Variants in TM4SF1 observed in about 807,000 individuals in gnomAD.
TM4SF1 encodes transmembrane 4 L six family member 1.
Under a neutral mutation model 24.5 loss-of-function variants are expected in TM4SF1, and 20 were observed. The observed-to-expected ratio is 0.82, with a 90% CI of 0.57 to 1.19. TM4SF1 has a LOEUF of 1.19. Among genes scored for constraint, TM4SF1 ranks in the 50% most tolerant of loss-of-function variants. The probability of loss-of-function intolerance (pLI) is 0.00; values close to 1 mark genes in which losing one functional copy is unlikely to be tolerated. For missense variants in TM4SF1, 258 were observed against 248.1 expected, an observed-to-expected ratio of 1.04 and a Z score of -0.27; for synonymous variants, 107 against 95.4, an observed-to-expected ratio of 1.12 and a Z score of -0.71.
chr3:149,376,101 T>C (rs1420882438), intron 1 of TM4SF1, among the ~76,000 whole-genome samples: 1 of 152,226 alleles, frequency 6.6e-6, no homozygotes, highest in African/African-American at 2.4e-5. Context: ...TTAAACCCTT[T>C]CTTTAAATCT....
chr3:149,369,855 G>A lies in TM4SF1; in HGVS notation c.*11C>T. The A allele has an allele frequency of 6.2e-7, 1 of 1,607,648 alleles. No individual in the cohort carries two copies. Among genetic ancestry groups the A allele is most frequent in the East Asian group, 2.2e-5 (1 of 44,772 alleles). ...AGAGGAAGATTGTGGCTCTGTCCTG[G>A]GTTGGTTCTTTTAGCAGTCATATTG... On this transcript the variant is annotated 3_prime_UTR_variant, in exon 5 of 5. Transcript: ENST00000305366.
Position 149,377,395 on chromosome 3 carries a change from A to G in TM4SF1, c.153T>C (p.Ser51=), listed in dbSNP as rs765692475. 3 of 1,614,110 alleles carry G rather than the reference A, an allele frequency of 1.9e-6. No homozygotes were observed. Among genetic ancestry groups the G allele is most frequent in the Non-Finnish European group, 2.5e-6 (3 of 1,179,990 alleles). Residue 51 remains serine, a synonymous_variant, in exon 1 of 5, where the codon TCT becomes TCC. Coordinates refer to ENST00000305366, the MANE Select transcript of TM4SF1 (RefSeq NM_014220.3). Reference sequence around the variant, plus strand: ...CCAGCAGGCCACCTCCTACGATGCCAGAAAAGAACCACACGAAGCGGCTGA... The same window carrying G: ...CCAGCAGGCCACCTCCTACGATGCCGGAAAAGAACCACACGAAGCGGCTGA... ...NHLSRFVWFF[S]GIVGGGLLML...
At chr3:149,370,642 C>A (rs1303637209) in intron 4 of TM4SF1, 2 of 152,168 alleles carry the variant, frequency 1.3e-5, no homozygotes, top group Non-Finnish European at 2.9e-5. Flanking sequence ...GTTTCCCATT[C>A]CCTTATTTTC....
intron 3 of TM4SF1, 87 bp downstream of exon 3, chr3:149,375,356 A>G (rs1731922148): frequency 6.6e-7 from 1 of 1,516,358 alleles, no homozygotes; most frequent in Non-Finnish European, 9.0e-7. Flanking sequence ...TGGATGGATA[A>G]GTGGATGCCT....
chr3:149,370,377 C>A (rs1163310023), intron 4 of TM4SF1: 1 of 153,746 alleles, frequency 6.5e-6, no homozygotes, highest in Non-Finnish European at 1.4e-5. Context: ...GCTGGGAAAC[C>A]TGGTGTATTT....
At chr3:149,371,513 A>G (rs907018076) in intron 4 of TM4SF1, 174 bp downstream of exon 4, 1 of 673,078 alleles carries the variant, frequency 1.5e-6, no homozygotes, top group African/African-American at 1.8e-5. Context: ...GTGAGACTCG[A>G]GGAAGCTTGT....
rs913369543 is a variant in TM4SF1 at position 149,371,958 on chromosome 3, A to T, written c.414-91T>A. 4 of 1,234,912 alleles carry T rather than the reference A, an allele frequency of 3.2e-6. No individual in the cohort carries two copies. In the African/African-American group the frequency reaches 6.1e-5, roughly 19 times the overall value. The allele number at this position is 1,234,912 out of a possible 1,614,324, so 76.5% of individuals were successfully genotyped here. On this transcript the variant is annotated intron_variant, in intron 3 of 4. Transcript: ENST00000305366. ...TTGTTTGGTGGTTTTTCATTCAGAAAAAAGGAATGAATTATTCAATATCCT... is the reference window on the plus strand; with the variant it reads ...TTGTTTGGTGGTTTTTCATTCAGAATAAAGGAATGAATTATTCAATATCCT...
rs148170382 is a variant in TM4SF1, at chr3:149,377,365, A to C, written c.177+6T>G. On this transcript the variant is annotated splice_donor_region_variant and intron_variant, in intron 1 of 4. Coordinates refer to ENST00000305366, the MANE Select transcript of TM4SF1 (RefSeq NM_014220.3). ...GAGAATTCAGTAATAATCCTGAATG[A>C]CTTACCAGCAGGCCACCTCCTACGA... 137 of 1,611,704 alleles carry C rather than the reference A, an allele frequency of 8.5e-5. No homozygotes were observed. The African/African-American group carries it at 1.2e-3, about 14-fold the overall frequency.
chr3:149,369,679 C>T lies in TM4SF1; in HGVS notation c.*187G>A. The T allele has an allele frequency of 1.5e-6, 1 of 651,368 alleles. No individual in the cohort carries two copies. The allele number at this position is 651,368 out of a possible 1,614,324, so 40.3% of individuals were successfully genotyped here. A position where few individuals can be genotyped will look rare whatever the true frequency, so the allele number is the denominator to read the frequency against. On this transcript the variant is annotated 3_prime_UTR_variant, in exon 5 of 5. Transcript: ENST00000305366. ...AAAAAAACAAAAACAAATAAACAAA[C>T]AAAAAAGAAGTTTACTAAATTTAAA...
intron 3 of TM4SF1, among the ~76,000 whole-genome samples, chr3:149,374,120 C>CAGTGTGGCAGCTGCAT: frequency 6.6e-6 from 1 of 152,182 alleles, no homozygotes; most frequent in East Asian, 1.9e-4. Context: ...GGCAGTTGCA[C>CAGTGTGGCAGCTGCAT]ACAATGTGGC....
chr3:149,369,927 T>C (rs6776940), intron 4 of TM4SF1, 47 bp from the exon 5 acceptor site: 1,359,486 of 1,570,382 alleles, frequency 0.87, 589,467 homozygotes, highest in African/African-American at 0.96. Context: ...GGATAAATAA[T>C]GATGACATTT....
At position 149,369,716 on chromosome 3, in the gene TM4SF1, T is replaced by C. The variant is rs1731774227; in HGVS notation, c.*150A>G. 6.8e-6 allele frequency: 6 copies of C among 876,662 alleles called. No homozygotes were observed. The highest frequency in any genetic ancestry group is 3.5e-5 in the African/African-American group (2 of 56,420). 54.3% of individuals were successfully genotyped at this position (876,662 alleles called of 1,614,324 possible). A position where few individuals can be genotyped will look rare whatever the true frequency, so the allele number is the denominator to read the frequency against. The stretch of plus-strand genomic sequence containing the variant: ...TTACTAAATTTAAACACTGACATCC[T>C]GTGAAGATGCCAGTCTTTACAGGCG... On this transcript the variant is annotated 3_prime_UTR_variant, in exon 5 of 5. Coordinates refer to ENST00000305366, the MANE Select transcript of TM4SF1 (RefSeq NM_014220.3).
At chr3:149,374,017 ATTTCAAAC>A (rs2108378512) in intron 3 of TM4SF1, among the ~76,000 whole-genome samples, 1 of 152,296 alleles carries the variant, frequency 6.6e-6, no homozygotes, top group South Asian at 2.1e-4. Flanking sequence ...GAACACCAAA[ATTTCAAAC>A]TTCTGTAAGT....
At chr3:149,370,902 T>C (rs1011411384) in intron 4 of TM4SF1, 4 of 152,128 alleles carry the variant, frequency 2.6e-5, no homozygotes, top group Non-Finnish European at 5.9e-5. Context: ...CTCTCAAAGA[T>C]AGGATCAAAG....
rs1286391850 is a variant in TM4SF1, at chr3:149,369,127, T to G, written c.*739A>C. Reference sequence around the variant, plus strand: ...CCATGTTCCAATGATGCTGATCAACTGCTTTATTCAGTTTCCCATCTTTCT... The same window carrying G: ...CCATGTTCCAATGATGCTGATCAACGGCTTTATTCAGTTTCCCATCTTTCT... On this transcript the variant is annotated 3_prime_UTR_variant, in exon 5 of 5. Coordinates refer to ENST00000305366, the MANE Select transcript of TM4SF1 (RefSeq NM_014220.3). 2.0e-5 allele frequency: 3 copies of G among 152,228 alleles called. No individual in the cohort carries two copies. The highest frequency in any genetic ancestry group is 4.4e-5 in the Non-Finnish European group (3 of 68,050). 9.4% of individuals were successfully genotyped at this position (152,228 alleles called of 1,614,324 possible).
At position 149,375,515 on chromosome 3, in the gene TM4SF1, C is replaced by T; in HGVS notation, c.341G>A (p.Gly114Asp). 6.2e-7 allele frequency: 1 copy of T among 1,614,186 alleles called. No individual in the cohort carries two copies. Among genetic ancestry groups the T allele is most frequent in the East Asian group, 2.2e-5 (1 of 44,890 alleles). The change falls in exon 3 of 5, where the codon GGC (glycine) becomes GAC (aspartate). Residue 114 changes from glycine (G) to aspartate (D), a missense_variant. By Grantham distance (94) the Gly-to-Asp change is moderately conservative. Coordinates refer to ENST00000305366, the MANE Select transcript of TM4SF1 (RefSeq NM_014220.3). ...AAGACATAGTGGTCCTTCTGCTAAG[C>T]CAAGGGCTGCCACAATGACACAGTA... ...SGYCVIVAAL[G>D]LAEGPLCLDS...
At chr3:149,369,979 G>A (rs898067864) in intron 4 of TM4SF1, 99 bp from the exon 5 acceptor site, 2 of 1,435,596 alleles carry the variant, frequency 1.4e-6, no homozygotes, top group Non-Finnish European at 1.9e-6. Flanking sequence ...TAAACAGACT[G>A]ATCTTAGCTT....
intron 4 of TM4SF1, chr3:149,371,452 GT>G: frequency 1.7e-6 from 1 of 601,830 alleles, no homozygotes; most frequent in Non-Finnish European, 2.9e-6. Flanking sequence ...TGGGCAGCAT[GT>G]TCTTGTGTAC....
rs755158827 is a variant in TM4SF1 at position 149,371,717 on chromosome 3, G to A, written c.564C>T (p.Gly188=). The change falls in exon 4 of 5, where the codon GGC becomes GGT. Residue 188 remains glycine (G), a synonymous_variant. Transcript: ENST00000305366. ...LIQVINGVLG[G]ICGFCCSHQQ... ...GGTGAGAGCAGCAAAAGCCACATAT[G>A]CCTCCAAGCACTCCATTTATTACTT... 1.2e-6 allele frequency: 2 copies of A among 1,614,170 alleles called. No individual in the cohort carries two copies. Among genetic ancestry groups the A allele is most frequent in the Non-Finnish European group, 1.7e-6 (2 of 1,180,012 alleles).
Sources: gnomAD v4.1 joint callset for allele counts (sites outside exome capture counted in the v4.1 genomes callset) on GRCh38, gnomAD v4.1.1 for gene constraint, MANE v1.5 for transcripts, NCBI Gene and HGNC (gene_info 2026-07-23, HGNC 2026-07-21) for gene names.